USP32: variants seen among roughly 807,000 people sequenced by gnomAD.
USP32 encodes the protein ubiquitin carboxyl-terminal hydrolase 32.
USP32 carries 59 observed loss-of-function variants against 204.8 expected under a neutral mutation model. The ratio of observed to expected loss-of-function variants is 0.29; its 90% CI spans 0.23 to 0.36. The LOEUF is 0.36. Ranked by LOEUF, USP32 falls within the 10% of genes least tolerant of loss-of-function variation. The pLI is 1.00. For synonymous variants in USP32, 517 were observed against 678.4 expected, an observed-to-expected ratio of 0.76 and a Z score of 3.70; for missense variants, 1,160 against 1,946.4, an observed-to-expected ratio of 0.60 and a Z score of 7.60.
intron 27 of USP32, 143 bp from the exon 28 acceptor site, chr17:60,193,073 C>T (rs2084426881): frequency 4.9e-6 from 4 of 810,740 alleles, no homozygotes; most frequent in Non-Finnish European, 7.9e-6. Context: ...GTTACTTACC[C>T]TAATCCATTA....
At chr17:60,386,763 T>C (rs2089738870) in intron 1 of USP32, among the ~76,000 whole-genome samples, 1 of 152,338 alleles carries the variant, frequency 6.6e-6, no homozygotes, top group South Asian at 2.1e-4. Context: ...CCCCTCATTT[T>C]GCTCATCCCC....
chr17:60,251,198 T>C (rs2086158253), intron 11 of USP32, among the ~76,000 whole-genome samples: 1 of 151,896 alleles, frequency 6.6e-6, no homozygotes, highest in African/African-American at 2.4e-5. Flanking sequence ...CTGCCTTGGC[T>C]TCCCAAAGTG....
chr17:60,191,852 C>T (rs974275901), intron 28 of USP32, among the ~76,000 whole-genome samples: 16 of 152,138 alleles, frequency 1.1e-4, no homozygotes, highest in African/African-American at 3.6e-4. Flanking sequence ...TTGCAGTTCT[C>T]TAAAGGCGGA....
intron 29 of USP32, among the ~76,000 whole-genome samples, chr17:60,189,977 C>T (rs1263076763): frequency 1.3e-5 from 2 of 152,196 alleles, no homozygotes; most frequent in East Asian, 1.9e-4. Flanking sequence ...CATCAAAATG[C>T]ATGTTGAAAT....
intron 1 of USP32, among the ~76,000 whole-genome samples, chr17:60,361,917 A>G (rs2089215242): frequency 6.6e-6 from 1 of 152,176 alleles, no homozygotes; most frequent in Admixed American, 6.5e-5. Context: ...ACAAAGATAT[A>G]GTGTTAACAG....
chr17:60,392,101 C>A lies in USP32; in HGVS notation c.-162G>T. On this transcript the variant is annotated 5_prime_UTR_variant, in exon 1 of 34. Transcript: ENST00000300896. ...CGGCTTCTGCCCCGGCGGCTCCTCCCGGTCGCCGCCACCGCCTCCATGCCG... is the reference window on the plus strand; with the variant it reads ...CGGCTTCTGCCCCGGCGGCTCCTCCAGGTCGCCGCCACCGCCTCCATGCCG... 2 of 693,516 alleles carry A rather than the reference C, an allele frequency of 2.9e-6. No homozygotes were observed. The highest frequency in any genetic ancestry group is 2.0e-5 in the South Asian group (1 of 50,872). 43.0% of individuals were successfully genotyped at this position (693,516 alleles called of 1,614,324 possible).
Position 60,284,466 on chromosome 17 carries a change from C to T in USP32, c.571+4057G>A, listed in dbSNP as rs564370003. Among the ~76,000 whole-genome samples the T allele has an allele frequency of 2.3e-3, 355 of 152,016 alleles. 2 individuals carry two copies. Among genetic ancestry groups the T allele is most frequent in the African/African-American group, 8.1e-3 (336 of 41,518 alleles). On this transcript the variant is annotated intron_variant, in intron 5 of 33. Transcript: ENST00000300896. ...CGAACTCCTAACCTTGTGATCCGCCCGCCTTGGCCTCCCAAAGTGCTGGGA... is the reference window on the plus strand; with the variant it reads ...CGAACTCCTAACCTTGTGATCCGCCTGCCTTGGCCTCCCAAAGTGCTGGGA...
At chr17:60,193,320 A>T (rs2084432242) in intron 27 of USP32, among the ~76,000 whole-genome samples, 1 of 152,252 alleles carries the variant, frequency 6.6e-6, no homozygotes, top group African/African-American at 2.4e-5. Flanking sequence ...ACACCGACAC[A>T]TTGCAGAAAG....
intron 27 of USP32, among the ~76,000 whole-genome samples, chr17:60,194,089 C>T (rs756871406): frequency 7.9e-5 from 12 of 151,988 alleles, no homozygotes; most frequent in Non-Finnish European, 1.5e-4. Flanking sequence ...GTTGCCCAGG[C>T]TGGAGTGCAG....
At chr17:60,403,283 T>C (rs554273745) in intron 1 of USP32, among the ~76,000 whole-genome samples, 78 of 152,340 alleles carry the variant, frequency 5.1e-4, no homozygotes, top group Non-Finnish European at 9.8e-4. Flanking sequence ...CCCAAAGTGC[T>C]GGGATTACAG....
chr17:60,290,509 C>CA (rs1450541315), intron 4 of USP32, among the ~76,000 whole-genome samples: 1 of 152,132 alleles, frequency 6.6e-6, no homozygotes, highest in Admixed American at 6.5e-5. Context: ...AGCTGATGCA[C>CA]ATTTTTACAC....
At chr17:60,207,413 G>C (rs918727189) in intron 24 of USP32, among the ~76,000 whole-genome samples, 9 of 151,986 alleles carry the variant, frequency 5.9e-5, no homozygotes, top group African/African-American at 1.9e-4. Flanking sequence ...CCAACCCTCA[G>C]AGACTCCATT....
At chr17:60,373,234 T>C (rs1376180939) in intron 1 of USP32, among the ~76,000 whole-genome samples, 2 of 152,000 alleles carry the variant, frequency 1.3e-5, no homozygotes, top group East Asian at 1.9e-4. Context: ...GGTACACCTA[T>C]ATAGGGCACT....
In USP32 at chr17:60,183,245, T is replaced by C. The variant is rs748492212; in HGVS notation, c.4043A>G (p.Gln1348Arg). 2.2e-5 allele frequency: 35 copies of C among 1,613,900 alleles called. No individual in the cohort carries two copies. Among genetic ancestry groups the C allele is most frequent in the Admixed American group, 3.3e-5 (2 of 60,002 alleles). Residue 1348 changes from glutamine (Q) to arginine (R), a missense_variant, in exon 31 of 34, where the codon CAG becomes CGG. By Grantham distance (43) the Gln-to-Arg change is conservative. This residue lies in a region of USP32 where 244 missense variants were observed against 342.3 expected (regional missense o/e 0.71). Coordinates refer to ENST00000300896, the MANE Select transcript of USP32 (RefSeq NM_032582.4). ...LAREVKKVDA[Q>R]SSAGEEDVLL... is the part of the protein sequence containing the mutation. ...CACGTCCTCTTCCCCAGCCGAACTC[T>C]GCGCATCCACTTTCTTCACCTCCCT...
chr17:60,326,726 G>A (rs1029462507), intron 2 of USP32, among the ~76,000 whole-genome samples: 5 of 152,092 alleles, frequency 3.3e-5, no homozygotes, highest in African/African-American at 9.7e-5. Flanking sequence ...AATCACCAAA[G>A]GAAAATTCAT....
chr17:60,391,636 G>A (rs1046117391), intron 1 of USP32, among the ~76,000 whole-genome samples: 2 of 152,142 alleles, frequency 1.3e-5, no homozygotes, highest in Admixed American at 6.6e-5. Flanking sequence ...CAGCGAGCAC[G>A]GGCACTGCCC....
At position 60,206,935 on chromosome 17, in the gene USP32, A is replaced by G. The variant is rs2084843606; in HGVS notation, c.3037+86T>C. 3.9e-6 allele frequency: 6 copies of G among 1,527,556 alleles called. No homozygotes were observed. In the Admixed American group the frequency reaches 1.4e-4, roughly 35 times the overall value. The allele number at this position is 1,527,556 out of a possible 1,614,324, so 94.6% of individuals were successfully genotyped here. A position where few individuals can be genotyped will look rare whatever the true frequency, so the allele number is the denominator to read the frequency against. On this transcript the variant is annotated intron_variant, in intron 25 of 33. Coordinates refer to ENST00000300896, the MANE Select transcript of USP32 (RefSeq NM_032582.4). The stretch of plus-strand genomic sequence containing the variant: ...AAAATTCTTCTGCTATAATATCCTC[A>G]GCATGAACAAATATAAAAAAGATGA...
In USP32 at chr17:60,351,452, C is replaced by T. The variant is rs57781851; in HGVS notation, c.59-5844G>A. Among the ~76,000 whole-genome samples the T allele has an allele frequency of 2.3e-3, 321 of 139,528 alleles. 1 individual carries two copies. Among genetic ancestry groups the T allele is most frequent in the African/African-American group, 8.9e-3 (305 of 34,124 alleles). 91.5% of individuals were successfully genotyped at this position (139,528 alleles called of 152,430 possible). A position where few individuals can be genotyped will look rare whatever the true frequency, so the allele number is the denominator to read the frequency against. ...CTATGCCAGGCTTCTTTTTTTTTTT[C>T]GAGATGGAGTCTCACTCCGTCCCCC... On this transcript the variant is annotated intron_variant, in intron 1 of 33. Transcript: ENST00000300896.
intron 3 of USP32, among the ~76,000 whole-genome samples, chr17:60,295,590 C>A (rs2087407932): frequency 6.6e-6 from 1 of 152,150 alleles, no homozygotes; most frequent in African/African-American, 2.4e-5. Flanking sequence ...CCTGAATGAT[C>A]CTGTTGTCCA....
Sources: gnomAD v4.1 joint callset for allele counts (sites outside exome capture counted in the v4.1 genomes callset) on GRCh38, gnomAD v4.1.1 for gene constraint, gnomAD v4.1.1 regional missense constraint, MANE v1.5 for transcripts, NCBI Gene and HGNC (gene_info 2026-07-23, HGNC 2026-07-21) for gene names.